GRIN2B: variants seen among roughly 807,000 people sequenced by gnomAD.
The protein encoded by GRIN2B is glutamate receptor ionotropic, NMDA 2B.
Under a neutral mutation model 114.5 loss-of-function variants are expected in GRIN2B, and 5 were observed. The observed-to-expected ratio is 0.04, with a 90% CI of 0.02 to 0.09. The LOEUF (loss-of-function observed/expected upper bound fraction) is 0.09, where lower values mean the gene tolerates loss of function less well. Among genes scored for constraint, GRIN2B ranks in the 10% least tolerant of loss-of-function variants. The pLI is 1.00. For missense variants in GRIN2B, 1,108 were observed against 1,943.5 expected (o/e 0.57, Z 8.08); for synonymous variants, 787 against 745.1 (o/e 1.06, Z -0.92).
At chr12:13,666,144 T>C (rs1366570691) in intron 5 of GRIN2B, among the ~76,000 whole-genome samples, 3 of 152,218 alleles carry the variant, frequency 2.0e-5, no homozygotes, top group African/African-American at 7.2e-5. Flanking sequence ...CACGGGCTTC[T>C]TTCCCCTCGA....
chr12:13,938,398 T>A (rs1379279962), intron 2 of GRIN2B, among the ~76,000 whole-genome samples: 4 of 152,182 alleles, frequency 2.6e-5, no homozygotes, highest in Non-Finnish European at 5.9e-5. Context: ...TGCAACTACA[T>A]GATCCAGCAA....
At chr12:13,617,439 G>C (rs1224334739) in intron 5 of GRIN2B, among the ~76,000 whole-genome samples, 2 of 152,232 alleles carry the variant, frequency 1.3e-5, no homozygotes, top group African/African-American at 4.8e-5. Context: ...TGAAAGGCCA[G>C]TGTCCCTGAA....
intron 5 of GRIN2B, among the ~76,000 whole-genome samples, chr12:13,626,037 A>T (rs1301639826): frequency 6.6e-6 from 1 of 152,184 alleles, no homozygotes; most frequent in East Asian, 1.9e-4. Context: ...CCCAAGCCAC[A>T]ACTCTCCATC....
rs553302636 is a variant in GRIN2B at position 13,617,828 on chromosome 12, G to A, written c.1126-1171C>T. ...GACTTCATAAATTTTCAAGCAAATC[G>A]GCTTGGATTTCCATATTAATGCAAA... On this transcript the variant is annotated intron_variant, in intron 5 of 13. Coordinates refer to ENST00000609686, the MANE Select transcript of GRIN2B (RefSeq NM_000834.5). Among the ~76,000 whole-genome samples, 10 of 152,214 alleles carry A rather than the reference G, an allele frequency of 6.6e-5. No homozygotes were observed. In the South Asian group the frequency reaches 1.9e-3, roughly 28 times the overall value.
At chr12:13,585,449 C>T (rs1948907265) in intron 10 of GRIN2B, among the ~76,000 whole-genome samples, 1 of 152,172 alleles carries the variant, frequency 6.6e-6, no homozygotes, top group Admixed American at 6.5e-5. Context: ...AGAGCTTCTT[C>T]CTTTGGTCAA....
chr12:13,602,982 T>C (rs900873286), intron 10 of GRIN2B, among the ~76,000 whole-genome samples: 14 of 152,170 alleles, frequency 9.2e-5, no homozygotes, highest in African/African-American at 3.4e-4. Flanking sequence ...CAAACTTCTG[T>C]GACTTTAGCA....
intron 2 of GRIN2B, among the ~76,000 whole-genome samples, chr12:13,937,099 G>A (rs990686941): frequency 0.44 from 58,726 of 132,632 alleles, 12,563 homozygotes; most frequent in East Asian, 0.65. Flanking sequence ...AAAAAAAAGG[G>A]GGGGGGGAAG....
chr12:13,896,485 C>T (rs923923430), intron 2 of GRIN2B, among the ~76,000 whole-genome samples: 2 of 152,094 alleles, frequency 1.3e-5, no homozygotes, highest in Admixed American at 6.5e-5. Flanking sequence ...AAAAAATGGA[C>T]GATTAAAGGG....
chr12:13,791,020 C>T (rs924431960), intron 3 of GRIN2B, among the ~76,000 whole-genome samples: 2 of 152,132 alleles, frequency 1.3e-5, no homozygotes, highest in African/African-American at 4.8e-5. Context: ...TGCTTGGCAT[C>T]AGGGAAAGGA....
At chr12:13,969,713 A>C (rs1867844871) in intron 2 of GRIN2B, among the ~76,000 whole-genome samples, 1 of 152,206 alleles carries the variant, frequency 6.6e-6, no homozygotes, top group Admixed American at 6.5e-5. Context: ...TCTCTGTCTC[A>C]GTTGCGTAAA....
chr12:13,635,929 G>C (rs561897038), intron 5 of GRIN2B, among the ~76,000 whole-genome samples: 2 of 152,116 alleles, frequency 1.3e-5, no homozygotes, highest in African/African-American at 2.4e-5. Flanking sequence ...TAGGTGCTGA[G>C]GACAGTGATG....
chr12:13,694,656 C>CATATATATATAT (rs67570541), intron 4 of GRIN2B, among the ~76,000 whole-genome samples: 10 of 71,338 alleles, frequency 1.4e-4, no homozygotes, highest in Non-Finnish European at 2.0e-4. Context: ...AAGAAAATGT[C>CATATATATATAT]ATATATATAT....
intron 5 of GRIN2B, among the ~76,000 whole-genome samples, chr12:13,619,004 T>C (rs1949483057): frequency 6.6e-6 from 1 of 152,168 alleles, no homozygotes; most frequent in Non-Finnish European, 1.5e-5. Context: ...AGAGATTGTT[T>C]AATGAATGAC....
chr12:13,958,144 T>G (rs1867625027), intron 2 of GRIN2B, among the ~76,000 whole-genome samples: 1 of 152,134 alleles, frequency 6.6e-6, no homozygotes, highest in African/African-American at 2.4e-5. Context: ...AATGTAGTGT[T>G]TGTGATAAAG....
rs538577411 is a variant in GRIN2B, at chr12:13,543,512, T to C, written c.*19271A>G. ...TGCTTTCATTATATTCACCTGGTTA[T>C]ACCCCAACCCTGTTCCAATCTAACT... On this transcript the variant is annotated 3_prime_UTR_variant, in exon 14 of 14. Coordinates refer to ENST00000609686, the MANE Select transcript of GRIN2B (RefSeq NM_000834.5). The C allele has an allele frequency of 1.1e-4, 16 of 152,356 alleles. No homozygotes were observed. The highest frequency in any genetic ancestry group is 3.8e-4 in the African/African-American group (16 of 41,568). 9.4% of individuals were successfully genotyped at this position (152,356 alleles called of 1,614,324 possible). A position where few individuals can be genotyped will look rare whatever the true frequency, so the allele number is the denominator to read the frequency against.
chr12:13,806,277 C>T (rs1256194263), intron 3 of GRIN2B, among the ~76,000 whole-genome samples: 1 of 152,086 alleles, frequency 6.6e-6, no homozygotes, highest in African/African-American at 2.4e-5. Flanking sequence ...TAATTCTATT[C>T]TTAGTTTCTT....
At chr12:13,661,955 C>T (rs1949927910) in intron 5 of GRIN2B, among the ~76,000 whole-genome samples, 1 of 152,142 alleles carries the variant, frequency 6.6e-6, no homozygotes, top group African/African-American at 2.4e-5. Flanking sequence ...ACACCCTCAC[C>T]AGGTCCCATG....
At chr12:13,623,600 T>G (rs1949539326) in intron 5 of GRIN2B, among the ~76,000 whole-genome samples, 1 of 152,224 alleles carries the variant, frequency 6.6e-6, no homozygotes, top group Non-Finnish European at 1.5e-5. Flanking sequence ...TTTTACCATC[T>G]AGTCACATCT....
At position 13,615,202 on chromosome 12, in the gene GRIN2B, C is replaced by A; in HGVS notation, c.1566G>T (p.Val522=). Residue 522 remains valine, a synonymous_variant, in exon 8 of 14, where the codon GTG becomes GTT. Coordinates refer to ENST00000609686, the MANE Select transcript of GRIN2B (RefSeq NM_000834.5). The surrounding 1 kb of genome is among the most constrained non-coding windows in gnomAD (Gnocchi z 5.8). ...SLTINEERSE[V]VDFSVPFIET... is the part of the protein sequence containing the mutation. The stretch of plus-strand genomic sequence containing the variant: ...CTATGAAGGGCACAGAGAAGTCGAC[C>A]ACCTCCGATCGTTCCTCATTGATGG... The A allele has an allele frequency of 3.1e-6, 5 of 1,613,612 alleles. No homozygotes were observed. Among genetic ancestry groups the A allele is most frequent in the Non-Finnish European group, 4.2e-6 (5 of 1,179,562 alleles).
Sources: gnomAD v4.1 joint callset for allele counts (sites outside exome capture counted in the v4.1 genomes callset) on GRCh38, gnomAD v4.1.1 for gene constraint, Gnocchi (gnomAD v3.1) non-coding constraint, MANE v1.5 for transcripts, NCBI Gene and HGNC (gene_info 2026-07-23, HGNC 2026-07-21) for gene names.